Variants in ACYP2 observed in about 807,000 individuals in gnomAD.
ACYP2 encodes the protein acylphosphatase 2.
In ACYP2, 12 loss-of-function variants were observed where a neutral mutation model predicts 11.2. The observed-to-expected ratio is 1.08, with a 90% confidence interval of 0.69 to 1.74. The LOEUF is 1.74. Among genes scored for constraint, ACYP2 ranks in the 40% most tolerant of loss-of-function variants. The probability of loss-of-function intolerance (pLI) is 0.00; values close to 1 mark genes in which losing one functional copy is unlikely to be tolerated. For missense variants in ACYP2, 134 were observed against 101.9 expected (o/e 1.31, Z -1.35); for synonymous variants, 43 against 32.2 (o/e 1.33, Z -1.13).
At chr2:54,304,185 T>C (rs1689829631) in intron 6 of ACYP2, among the ~76,000 whole-genome samples, 1 of 151,646 alleles carries the variant, frequency 6.6e-6, no homozygotes, top group African/African-American at 2.4e-5. Context: ...TTCTTTATTC[T>C]TTAAGTATGG....
chr2:54,216,541 C>CT (rs1438820841), intron 6 of ACYP2, among the ~76,000 whole-genome samples: 1 of 135,338 alleles, frequency 7.4e-6, no homozygotes, highest in Non-Finnish European at 1.6e-5. Flanking sequence ...ATCACGTTTA[C>CT]ATTTTTTTTT....
intron 4 of ACYP2, among the ~76,000 whole-genome samples, chr2:54,058,807 G>T (rs889663282): frequency 1.4e-4 from 21 of 150,268 alleles, no homozygotes; most frequent in Non-Finnish European, 2.9e-4. Context: ...TTATAAGCTT[G>T]GAATGTTTCT....
chr2:54,149,603 G>A (rs1427230197), intron 6 of ACYP2, among the ~76,000 whole-genome samples: 2 of 152,044 alleles, frequency 1.3e-5, no homozygotes, highest in South Asian at 2.1e-4. Flanking sequence ...CTTTGAATAA[G>A]TCCTCAGAAA....
intron 6 of ACYP2, among the ~76,000 whole-genome samples, chr2:54,241,667 T>C (rs1321828927): frequency 6.6e-6 from 1 of 152,222 alleles, no homozygotes; most frequent in African/African-American, 2.4e-5. Flanking sequence ...AAACCATGTT[T>C]CACTTGTATC....
At chr2:54,275,126 A>C (rs191679852) in intron 6 of ACYP2, among the ~76,000 whole-genome samples, 9 of 152,338 alleles carry the variant, frequency 5.9e-5, no homozygotes, top group African/African-American at 2.2e-4. Flanking sequence ...TGCACCAATA[A>C]ATTTATTTGA....
chr2:54,049,976 A>G (rs1675749603), intron 2 of ACYP2, among the ~76,000 whole-genome samples: 1 of 152,146 alleles, frequency 6.6e-6, no homozygotes, highest in Non-Finnish European at 1.5e-5. Context: ...AAGTGTGCTC[A>G]TTGCTACTGG....
intron 6 of ACYP2, among the ~76,000 whole-genome samples, chr2:54,276,091 C>A (rs1309456536): frequency 6.6e-6 from 1 of 151,958 alleles, no homozygotes; most frequent in Non-Finnish European, 1.5e-5. Flanking sequence ...TTACTGTACC[C>A]CGATAATCAT....
At chr2:54,234,040 C>G (rs1240541926) in intron 6 of ACYP2, among the ~76,000 whole-genome samples, 1 of 150,742 alleles carries the variant, frequency 6.6e-6, no homozygotes, top group Admixed American at 6.6e-5. Context: ...GATTAGGGAA[C>G]AAAAAGAAGT....
intron 4 of ACYP2, among the ~76,000 whole-genome samples, chr2:54,092,600 G>A (rs1286352723): frequency 2.6e-5 from 4 of 152,190 alleles, no homozygotes; most frequent in African/African-American, 7.2e-5. Context: ...GTGGAAGAGG[G>A]AAATGGAGTG....
At chr2:54,035,564 C>T (rs1674852662) in intron 2 of ACYP2, among the ~76,000 whole-genome samples, 1 of 152,116 alleles carries the variant, frequency 6.6e-6, no homozygotes, top group South Asian at 2.1e-4. Context: ...CGCTCCCGGC[C>T]TAGAGACAAT....
At chr2:54,029,612 C>T in intron 2 of ACYP2, 2 of 370,560 alleles carry the variant, frequency 5.4e-6, no homozygotes, top group East Asian at 7.3e-5. Context: ...CTTTGGCTTC[C>T]TTCTTTTTCT....
At chr2:53,979,912 G>A (rs1273286797) in intron 2 of ACYP2, among the ~76,000 whole-genome samples, 1 of 151,984 alleles carries the variant, frequency 6.6e-6, no homozygotes, top group Non-Finnish European at 1.5e-5. Context: ...GGCTGGTCTG[G>A]AGCTTCTGAC....
rs147157881 is a variant in ACYP2, at chr2:53,990,916, C to A, written c.62+17106C>A. On this transcript the variant is annotated intron_variant, in intron 2 of 6. Transcript: ENST00000607452. The stretch of plus-strand genomic sequence containing the variant: ...GGTTCACGCCATTCTCCTGCCTCAG[C>A]CTCCCGAGTAGCTGTGATTACAGGT... Among the ~76,000 whole-genome samples, 566 of 152,064 alleles carry A rather than the reference C, an allele frequency of 3.7e-3. 5 individuals are homozygous for A. Among genetic ancestry groups the A allele is most frequent in the African/African-American group, 0.013 (532 of 41,538 alleles).
intron 6 of ACYP2, among the ~76,000 whole-genome samples, chr2:54,207,953 T>G (rs958531250): frequency 2.6e-5 from 4 of 152,150 alleles, no homozygotes; most frequent in African/African-American, 9.7e-5. Flanking sequence ...AAACAACTTC[T>G]CATCCTGTGC....
chr2:54,119,701 T>A (rs1297196251), intron 4 of ACYP2, among the ~76,000 whole-genome samples: 1 of 152,260 alleles, frequency 6.6e-6, no homozygotes, highest in African/African-American at 2.4e-5. Context: ...AAATGATGTG[T>A]TGTTAGTATA....
chr2:54,118,038 A>T (rs985883831), intron 4 of ACYP2, among the ~76,000 whole-genome samples: 2 of 152,214 alleles, frequency 1.3e-5, no homozygotes, highest in Non-Finnish European at 2.9e-5. Context: ...TTTTCCATTC[A>T]TGAGTTACTT....
chr2:54,254,141 G>A (rs1181542599), intron 6 of ACYP2: 1 of 152,240 alleles, frequency 6.6e-6, no homozygotes, highest in East Asian at 1.9e-4. Flanking sequence ...TGAGGATAGG[G>A]TCTGACATGT....
intron 2 of ACYP2, among the ~76,000 whole-genome samples, chr2:54,002,681 C>T (rs4671747): frequency 0.41 from 59,597 of 144,600 alleles, 12,235 homozygotes; most frequent in South Asian, 0.52. Context: ...GACGGAGTTT[C>T]GCTCTTGCTG....
intron 6 of ACYP2, among the ~76,000 whole-genome samples, chr2:54,171,016 A>T (rs558036489): frequency 6.6e-6 from 1 of 152,108 alleles, no homozygotes; most frequent in Non-Finnish European, 1.5e-5. Context: ...GGCTATCAAG[A>T]CTATCGGGAG....
Sources: gnomAD v4.1 joint callset for allele counts (sites outside exome capture counted in the v4.1 genomes callset) on GRCh38, gnomAD v4.1.1 for gene constraint, MANE v1.5 for transcripts, NCBI Gene and HGNC (gene_info 2026-07-23, HGNC 2026-07-21) for gene names.